Variants in RANBP17 observed in about 807,000 individuals in gnomAD.
RANBP17 encodes RAN binding protein 17.
A neutral mutation model predicts 141.2 loss-of-function variants in RANBP17; 158 were observed. That is an observed-to-expected ratio of 1.12 (90% CI 0.98 to 1.28). The LOEUF is 1.28. RANBP17 is among the 50% of genes most tolerant of loss of function. RANBP17 has a pLI of 0.00. For synonymous variants in RANBP17, 430 were observed against 450.0 expected (o/e 0.96, Z 0.56); for missense variants, 1,438 against 1,290.7 (o/e 1.11, Z -1.75).
chr5:171,029,039 A>G (rs2127615128), intron 14 of RANBP17: 1 of 818,516 alleles, frequency 1.2e-6, no homozygotes, highest in African/African-American at 1.8e-5. Context: ...CTGGTCAGGT[A>G]AGTCATACTC....
At chr5:171,149,598 G>A (rs994282643) in intron 14 of RANBP17, among the ~76,000 whole-genome samples, 7 of 152,164 alleles carry the variant, frequency 4.6e-5, no homozygotes, top group African/African-American at 9.7e-5. Flanking sequence ...GTGTCCAGAA[G>A]CTAATTTATG....
intron 14 of RANBP17, among the ~76,000 whole-genome samples, chr5:171,073,592 T>C (rs1581565190): frequency 6.6e-6 from 1 of 152,242 alleles, no homozygotes; most frequent in Middle Eastern, 3.4e-3. Context: ...GATAAATATA[T>C]ATAGAACTAA....
chr5:170,902,547 A>G (rs1378881541), intron 5 of RANBP17, among the ~76,000 whole-genome samples: 2 of 152,090 alleles, frequency 1.3e-5, no homozygotes, highest in African/African-American at 4.8e-5. Context: ...TTCTCTGTCC[A>G]GTTTTGTTCC....
chr5:171,086,599 C>A (rs953342079), intron 14 of RANBP17, among the ~76,000 whole-genome samples: 1 of 145,088 alleles, frequency 6.9e-6, no homozygotes, highest in African/African-American at 2.6e-5. Context: ...GTCCTGGACT[C>A]TTTTTGGTTG....
At chr5:171,232,585 A>C (rs1358352316) in intron 22 of RANBP17, among the ~76,000 whole-genome samples, 2 of 152,098 alleles carry the variant, frequency 1.3e-5, no homozygotes, top group Non-Finnish European at 2.9e-5. Flanking sequence ...GTAAGCTTTA[A>C]ATTTTCCATT....
rs780326174 is a variant in RANBP17 at position 171,205,507 on chromosome 5, C to G, written c.2143-17C>G. Reference sequence around the variant, plus strand: ...CTAACGTGAAAATCAATTACTGTGTCTCTTTCCCACTGACAGCGTATGTTG... The same window carrying G: ...CTAACGTGAAAATCAATTACTGTGTGTCTTTCCCACTGACAGCGTATGTTG... On this transcript the variant is annotated splice_polypyrimidine_tract_variant and intron_variant, in intron 19 of 27. Coordinates refer to ENST00000523189, the MANE Select transcript of RANBP17 (RefSeq NM_022897.5). 4.4e-6 allele frequency: 7 copies of G among 1,608,718 alleles called. No homozygotes were observed. Among genetic ancestry groups the G allele is most frequent in the Non-Finnish European group, 6.0e-6 (7 of 1,175,286 alleles).
chr5:170,863,224 A>G (rs116039286), intron 1 of RANBP17, among the ~76,000 whole-genome samples: 4,604 of 152,236 alleles, frequency 0.03, 231 homozygotes, highest in African/African-American at 0.1. Flanking sequence ...GTGGAAGAAC[A>G]TGGTGTACTG....
intron 19 of RANBP17, among the ~76,000 whole-genome samples, chr5:171,202,885 C>T (rs774016511): frequency 8.5e-5 from 13 of 152,056 alleles, no homozygotes; most frequent in Non-Finnish European, 1.8e-4. Context: ...TATAGCTGCC[C>T]CCAGTAGTGC....
At chr5:171,108,449 G>T (rs773549686) in intron 14 of RANBP17, among the ~76,000 whole-genome samples, 15 of 152,108 alleles carry the variant, frequency 9.9e-5, no homozygotes, top group Non-Finnish European at 2.2e-4. Flanking sequence ...GTCTCACTCT[G>T]TCACCCAGGC....
chr5:170,940,528 G>C (rs1774241351), intron 12 of RANBP17, among the ~76,000 whole-genome samples: 2 of 152,246 alleles, frequency 1.3e-5, no homozygotes, highest in East Asian at 1.9e-4. Context: ...AAGTATTTCA[G>C]ATCAGGGGTA....
chr5:171,178,759 C>T (rs1178092555), intron 16 of RANBP17, among the ~76,000 whole-genome samples: 1 of 152,162 alleles, frequency 6.6e-6, no homozygotes, highest in Non-Finnish European at 1.5e-5. Context: ...ATTTGCATTT[C>T]TCTAATGACC....
intron 20 of RANBP17, among the ~76,000 whole-genome samples, chr5:171,210,429 C>T (rs984615264): frequency 2.0e-5 from 3 of 152,154 alleles, no homozygotes; most frequent in African/African-American, 7.2e-5. Flanking sequence ...GTAGTGAATA[C>T]TGTGTGCTCT....
intron 14 of RANBP17, among the ~76,000 whole-genome samples, chr5:171,164,374 A>AAAT (rs1402773199): frequency 6.6e-6 from 1 of 152,202 alleles, no homozygotes; most frequent in Non-Finnish European, 1.5e-5. Flanking sequence ...ATTCTTTATT[A>AAAT]AATGTACAAC....
chr5:171,002,616 A>G (rs771215881), intron 14 of RANBP17, among the ~76,000 whole-genome samples: 36 of 152,112 alleles, frequency 2.4e-4, no homozygotes, highest in Non-Finnish European at 5.0e-4. Flanking sequence ...CCTTTGCAAG[A>G]GTGAAGGCCT....
intron 14 of RANBP17, among the ~76,000 whole-genome samples, chr5:171,101,838 C>T (rs926008503): frequency 1.3e-5 from 2 of 152,138 alleles, no homozygotes; most frequent in Non-Finnish European, 2.9e-5. Flanking sequence ...AATTTTATTT[C>T]TCCTTTACTT....
chr5:170,992,688 G>A (rs1778582128), intron 14 of RANBP17, among the ~76,000 whole-genome samples: 2 of 152,022 alleles, frequency 1.3e-5, no homozygotes, highest in South Asian at 4.1e-4. Flanking sequence ...GAAAATGAAT[G>A]GGTTTGTTTC....
At chr5:171,259,754 G>T (rs1169574757) in intron 24 of RANBP17, among the ~76,000 whole-genome samples, 1 of 152,176 alleles carries the variant, frequency 6.6e-6, no homozygotes, top group East Asian at 1.9e-4. Context: ...GCTGAGGTCA[G>T]TGGATCACTT....
intron 14 of RANBP17, among the ~76,000 whole-genome samples, chr5:171,008,974 T>C (rs1561982891): frequency 1.3e-5 from 2 of 152,236 alleles, no homozygotes; most frequent in Non-Finnish European, 2.9e-5. Flanking sequence ...TCAATTTGTA[T>C]AATTTACAGG....
chr5:170,954,711 G>A (rs4867643), intron 13 of RANBP17, among the ~76,000 whole-genome samples: 97,353 of 151,980 alleles, frequency 0.64, 31,929 homozygotes, highest in South Asian at 0.89. Flanking sequence ...ATACTAAATT[G>A]TTTTTAGTTA....
Sources: allele counts gnomAD v4.1 joint callset (sites outside exome capture counted in the v4.1 genomes callset), GRCh38; gene constraint gnomAD v4.1.1; transcripts MANE v1.5; gene names NCBI Gene and HGNC (gene_info 2026-07-23, HGNC 2026-07-21).